Variants in CTSC observed in about 807,000 individuals in gnomAD.
CTSC encodes dipeptidyl peptidase 1.
CTSC carries 37 observed loss-of-function variants against 40.9 expected under a neutral mutation model. The ratio of observed to expected loss-of-function variants is 0.91; its 90% CI spans 0.70 to 1.19. The LOEUF (loss-of-function observed/expected upper bound fraction) is 1.19, where lower values mean the gene tolerates loss of function less well. Ranked by LOEUF, CTSC falls within the 50% of genes most tolerant of loss-of-function variation. The pLI is 0.00. For synonymous variants in CTSC, 232 were observed against 207.4 expected, an observed-to-expected ratio of 1.12 and a Z score of -1.02; for missense variants, 594 against 567.3, an observed-to-expected ratio of 1.05 and a Z score of -0.48.
At chr11:88,324,950 T>C (rs1020612065) in intron 2 of CTSC, 40 of 985,242 alleles carry the variant, frequency 4.1e-5, no homozygotes, top group South Asian at 4.7e-5. Context: ...CAAAGAGTCA[T>C]CTGAATCAAC....
intron 3 of CTSC, among the ~76,000 whole-genome samples, chr11:88,309,611 T>C (rs575074289): frequency 2.0e-5 from 3 of 152,280 alleles, no homozygotes; most frequent in African/African-American, 7.2e-5. Context: ...TAATGATGTT[T>C]CATTTTCTAT....
intron 5 of CTSC, 132 bp downstream of exon 5, chr11:88,300,398 C>G: frequency 1.5e-6 from 1 of 667,184 alleles, no homozygotes; most frequent in Non-Finnish European, 2.7e-6. Flanking sequence ...TCATAGGCCA[C>G]CTATTTTCTA....
chr11:88,320,330 C>T (rs1273277526), intron 2 of CTSC, among the ~76,000 whole-genome samples: 1 of 152,136 alleles, frequency 6.6e-6, no homozygotes, highest in African/African-American at 2.4e-5. Flanking sequence ...GCTAAGAAAA[C>T]AGCAATTTAC....
At chr11:88,336,365 C>A (rs913121369) in intron 1 of CTSC, among the ~76,000 whole-genome samples, 1 of 151,748 alleles carries the variant, frequency 6.6e-6, no homozygotes, top group Non-Finnish European at 1.5e-5. Context: ...ACAGTGAAAC[C>A]CGTCTCTACT....
At chr11:88,301,763 C>T (rs1037673616) in intron 4 of CTSC, among the ~76,000 whole-genome samples, 2 of 151,148 alleles carry the variant, frequency 1.3e-5, no homozygotes, top group South Asian at 2.1e-4. Context: ...TCTGTATTAG[C>T]GATTTCACAC....
Position 88,294,672 on chromosome 11 carries a change from T to G in CTSC, c.890-164A>C, listed in dbSNP as rs75482973. On this transcript the variant is annotated intron_variant, in intron 6 of 6. Coordinates refer to ENST00000227266, the MANE Select transcript of CTSC (RefSeq NM_001814.6). ...CATCCATTTTCCAACTAGCTAACTA[T>G]CCTTTCATCCTCCTTCTACTTAACA... Among the ~76,000 whole-genome samples the G allele has an allele frequency of 9.0e-4, 137 of 152,350 alleles. 2 individuals are homozygous for G. The East Asian group carries it at 0.026, about 29-fold the overall frequency.
In CTSC at chr11:88,309,034, CA is replaced by C. The variant is rs1937692989; in HGVS notation, c.641+128del. The stretch of plus-strand genomic sequence containing the variant: ...ATCAATAGGAGATAAAGATCGTTAA[CA>C]GATCACATAAAAAGTTACAACTGGG... On this transcript the variant is annotated intron_variant, in intron 4 of 6. Transcript: ENST00000227266. 5 of 766,536 alleles carry C rather than the reference CA, an allele frequency of 6.5e-6. No homozygotes were observed. In the South Asian group the frequency reaches 7.4e-5, roughly 11 times the overall value. The allele number at this position is 766,536 out of a possible 1,614,324, so 47.5% of individuals were successfully genotyped here. A position where few individuals can be genotyped will look rare whatever the true frequency, so the allele number is the denominator to read the frequency against.
intron 2 of CTSC, chr11:88,328,051 AT>A: frequency 9.6e-7 from 1 of 1,042,572 alleles, no homozygotes; most frequent in Non-Finnish European, 1.5e-6. Flanking sequence ...TGCATAAGCC[AT>A]CAGGAAGTGA....
chr11:88,293,970 T>G lies in CTSC; in HGVS notation c.*36A>C. The G allele has an allele frequency of 6.2e-7, 1 of 1,610,686 alleles. No individual in the cohort carries two copies. The highest frequency in any genetic ancestry group is 8.5e-7 in the Non-Finnish European group (1 of 1,178,488). ...GAATATACCAATTCCCCTTTACAAC[T>G]GATGCAGATCATTATGAAATACTGG... On this transcript the variant is annotated 3_prime_UTR_variant, in exon 7 of 7. Transcript: ENST00000227266.
chr11:88,320,461 C>T (rs912463326), intron 2 of CTSC, among the ~76,000 whole-genome samples: 2 of 152,216 alleles, frequency 1.3e-5, no homozygotes, highest in Non-Finnish European at 2.9e-5. Context: ...GCTCATGTTC[C>T]TCACTATACT....
intron 2 of CTSC, among the ~76,000 whole-genome samples, chr11:88,316,821 G>A (rs574394294): frequency 2.6e-5 from 4 of 152,160 alleles, no homozygotes; most frequent in Non-Finnish European, 5.9e-5. Context: ...CACAATGTCT[G>A]ACAGTCCAAA....
In CTSC at chr11:88,337,521, T is replaced by A. The variant is rs1156405183; in HGVS notation, c.152A>T (p.Asp51Val). The change falls in exon 1 of 7, where the codon GAT becomes GTT. Residue 51 changes from aspartate to valine, a missense_variant. Physicochemically the swap from Asp to Val is radical, Grantham distance 152. Coordinates refer to ENST00000227266, the MANE Select transcript of CTSC (RefSeq NM_001814.6). Reference protein sequence around the residue: ...FQVGSSGSQRDVNCSVMGPQE... With the variant: ...FQVGSSGSQRVVNCSVMGPQE... ...CTTACCCATAACCGAGCAGTTGACATCGCGCTGGGAACCGCTGGAGCCCAC... is the reference window on the plus strand; with the variant it reads ...CTTACCCATAACCGAGCAGTTGACAACGCGCTGGGAACCGCTGGAGCCCAC... 1 of 1,575,548 alleles carries A rather than the reference T, an allele frequency of 6.3e-7. No individual in the cohort carries two copies. Among genetic ancestry groups the A allele is most frequent in the Non-Finnish European group, 8.6e-7 (1 of 1,159,554 alleles).
rs756918744 is a variant in CTSC at position 88,328,174 on chromosome 11, T to C, written c.318+6763A>G. Reference sequence around the variant, plus strand: ...CACAGTTCCCAGCTGCATGAACAAATGACTGATAAAATCAGTGACATCCTA... The same window carrying C: ...CACAGTTCCCAGCTGCATGAACAAACGACTGATAAAATCAGTGACATCCTA... On this transcript the variant is annotated intron_variant, in intron 2 of 6. Coordinates refer to ENST00000227266, the MANE Select transcript of CTSC (RefSeq NM_001814.6). 40 of 1,613,360 alleles carry C rather than the reference T, an allele frequency of 2.5e-5. No homozygotes were observed. The South Asian group carries it at 4.0e-4, about 16-fold the overall frequency.
intron 2 of CTSC, chr11:88,321,035 T>G (rs930778421): frequency 2.0e-6 from 2 of 985,130 alleles, no homozygotes; most frequent in African/African-American, 1.7e-5. Flanking sequence ...AATTTTGTAC[T>G]CACTGAATCT....
intron 2 of CTSC, among the ~76,000 whole-genome samples, chr11:88,333,546 A>C (rs55897509): frequency 0.078 from 11,937 of 152,326 alleles, 493 homozygotes; most frequent in Non-Finnish European, 0.096. Context: ...GAAGTCAAAG[A>C]ACCTTTGAAG....
chr11:88,301,810 GCACA>G (rs71046248), intron 4 of CTSC, among the ~76,000 whole-genome samples: 41 of 118,166 alleles, frequency 3.5e-4, no homozygotes, highest in Non-Finnish European at 4.7e-4. Flanking sequence ...ACACACGCGC[GCACA>G]CACACACACA....
At chr11:88,337,412 C>T (rs1938528504) in intron 1 of CTSC, 89 bp downstream of exon 1, 2 of 1,341,056 alleles carry the variant, frequency 1.5e-6, no homozygotes, top group Admixed American at 2.0e-5. Flanking sequence ...AAGCGTCTGC[C>T]TGGGGGGAAG....
chr11:88,310,217 T>C (rs1937722438), intron 3 of CTSC, among the ~76,000 whole-genome samples: 1 of 151,132 alleles, frequency 6.6e-6, no homozygotes, highest in African/African-American at 2.4e-5. Context: ...CCCCAAGTGA[T>C]TCACAATAAC....
chr11:88,321,118 C>T (rs1937996169), intron 2 of CTSC: 17 of 776,896 alleles, frequency 2.2e-5, no homozygotes, highest in Non-Finnish European at 2.7e-5. Context: ...TTTTAAAATT[C>T]CATATTAAAT....
Sources: gnomAD v4.1 joint callset for allele counts (sites outside exome capture counted in the v4.1 genomes callset) on GRCh38, gnomAD v4.1.1 for gene constraint, MANE v1.5 for transcripts, NCBI Gene and HGNC (gene_info 2026-07-23, HGNC 2026-07-21) for gene names.